MACF1: variants seen among roughly 807,000 people sequenced by gnomAD.
The protein encoded by MACF1 is microtubule-actin cross-linking factor 1.
In MACF1, 193 loss-of-function variants were observed where a neutral mutation model predicts 854.8. That is an observed-to-expected ratio of 0.23 (90% confidence interval 0.20 to 0.25). MACF1 has a LOEUF of 0.25. Among genes scored for constraint, MACF1 ranks in the 10% least tolerant of loss-of-function variants. The pLI, the probability that MACF1 is intolerant of heterozygous loss-of-function variation, is 1.00. For synonymous variants in MACF1, 3,185 were observed against 3,226.7 expected, an observed-to-expected ratio of 0.99 and a Z score of 0.44; for missense variants, 7,722 against 8,929.1, an observed-to-expected ratio of 0.86 and a Z score of 5.45.
intron 36 of MACF1, among the ~76,000 whole-genome samples, chr1:39,330,459 G>T (rs145507226): frequency 6.6e-6 from 1 of 152,290 alleles, no homozygotes; most frequent in Non-Finnish European, 1.5e-5. Flanking sequence ...AGAGTCTTCT[G>T]TGTGGTTTGC....
At position 39,352,994 on chromosome 1, in the gene MACF1, C is replaced by T. The variant is rs370400628; in HGVS notation, c.11200-13C>T. ...GTAAAGCCTTCTCACTAGACTACCT[C>T]GGTGGCTTTCAGAGTAAAGCAGCAA... On this transcript the variant is annotated splice_polypyrimidine_tract_variant and intron_variant, in intron 43 of 100. Coordinates refer to ENST00000564288, the MANE Select transcript of MACF1 (RefSeq NM_001394062.1). The T allele has an allele frequency of 3.8e-6, 6 of 1,598,464 alleles. No individual in the cohort carries two copies. The highest frequency in any genetic ancestry group is 3.3e-5 in the Admixed American group (2 of 59,894).
chr1:39,422,665 G>A, intron 59 of MACF1, 65 bp from the exon 60 acceptor site: 1 of 1,557,458 alleles, frequency 6.4e-7, no homozygotes, highest in South Asian at 1.1e-5. Context: ...TACTAAAAGA[G>A]GTCAGTAGTA....
intron 2 of MACF1, among the ~76,000 whole-genome samples, chr1:39,242,175 T>G (rs914904043): frequency 1.6e-4 from 25 of 151,798 alleles, no homozygotes; most frequent in Non-Finnish European, 3.4e-4. Context: ...TGGCGAAACC[T>G]TGTCTCTATT....
rs1345308450 is a variant in MACF1, at chr1:39,370,060, G to C, written c.12969G>C (p.Gln4323His). 1 of 1,613,890 alleles carries C rather than the reference G, an allele frequency of 6.2e-7. No homozygotes were observed. Among genetic ancestry groups the C allele is most frequent in the Admixed American group, 1.7e-5 (1 of 59,942 alleles). The change falls in exon 51 of 101, where the codon CAG becomes CAC. Residue 4323 changes from glutamine (Q) to histidine (H), a missense_variant. Around this residue, in one of 15 missense-constraint regions of MACF1, gnomAD observed 2,807 missense variants for 3,235.8 expected, o/e 0.87. Transcript: ENST00000564288. ...AAGATGCATCATCTTGCCAGGAACA[G>C]TTGGATGAATTCCGGAAGCTGGTCA... The part of the protein sequence containing the change: ...REKDASSCQE[Q>H]LDEFRKLVRT...
rs187198319 is a variant in MACF1 at position 39,166,149 on chromosome 1, C to T, written c.221-65033C>T. 4.8e-3 allele frequency among the ~76,000 whole-genome samples: 727 copies of T among 150,768 alleles called. 4 individuals carry two copies. Among genetic ancestry groups the T allele is most frequent in the African/African-American group, 0.016 (668 of 41,048 alleles). ...AATGGCATATCTCTGCTCACTGCAA[C>T]CTCTGCCTCCCAGGTTCAAGTGATT... On this transcript the variant is annotated intron_variant, in intron 2 of 93. Coordinates refer to the MACF1 transcript ENST00000361689.
chr1:39,381,968 G>C lies in MACF1; in HGVS notation c.13664G>C (p.Arg4555Thr). The C allele has an allele frequency of 6.2e-7, 1 of 1,613,902 alleles. No individual in the cohort carries two copies. The highest frequency in any genetic ancestry group is 8.5e-7 in the Non-Finnish European group (1 of 1,179,936). Residue 4555 changes from arginine (R) to threonine (T), a missense_variant, in exon 56 of 101, where the codon AGG becomes ACG. Arg to Thr is a moderately conservative substitution (Grantham distance 71). This residue lies in a region of MACF1 where 2,807 missense variants were observed against 3,235.8 expected (regional missense o/e 0.87). Transcript: ENST00000564288. ...IQEELNSRWE[R>T]ATEVTVARQR... is the part of the protein sequence containing the mutation. ...CTCTCTACAGATTCCCGATGGGAAA[G>C]GGCCACTGAGGTTACTGTGGCTCGG...
chr1:39,475,340 A>G (rs570062413), intron 97 of MACF1, among the ~76,000 whole-genome samples: 3 of 152,044 alleles, frequency 2.0e-5, no homozygotes, highest in African/African-American at 4.8e-5. Flanking sequence ...AAGGTGGTAC[A>G]TGCCTGTAGT....
chr1:39,161,934 A>G (rs980508263), intron 2 of MACF1, among the ~76,000 whole-genome samples: 14 of 150,772 alleles, frequency 9.3e-5, no homozygotes. Context: ...GTGTGCGCCT[A>G]TAGTTTCAGT....
intron 58 of MACF1, among the ~76,000 whole-genome samples, chr1:39,395,054 A>G (rs1642217699): frequency 6.9e-6 from 1 of 144,248 alleles, no homozygotes; most frequent in African/African-American, 2.5e-5. Context: ...TTTCGGCACT[A>G]TTGACATTTT....
At chr1:39,459,524 C>T (rs1644509055) in intron 91 of MACF1, among the ~76,000 whole-genome samples, 1 of 152,174 alleles carries the variant, frequency 6.6e-6, no homozygotes, top group Non-Finnish European at 1.5e-5. Flanking sequence ...CCTGATCTGC[C>T]TCAGCATCTT....
chr1:39,284,273 G>T (rs549766892), intron 10 of MACF1, 60 bp from the exon 11 acceptor site: 3 of 1,564,700 alleles, frequency 1.9e-6, no homozygotes, highest in Non-Finnish European at 2.6e-6. Context: ...AGGTGAGGTG[G>T]TATGAAAAAT....
chr1:39,422,765 G>T lies in MACF1; in HGVS notation c.16014G>T (p.Leu5338Phe). Residue 5338 changes from leucine to phenylalanine, a missense_variant, in exon 60 of 101, where the codon TTG becomes TTT. Leu to Phe is a conservative substitution (Grantham distance 22, BLOSUM62 0). Transcript: ENST00000564288. ...GAATTGCACAGCTACAGGAAGCTTTGTTGCATTGTGGGAAGTTTCAAGATG... is the reference window on the plus strand; with the variant it reads ...GAATTGCACAGCTACAGGAAGCTTTTTTGCATTGTGGGAAGTTTCAAGATG... Reference protein sequence around the residue: ...AQRIAQLQEALLHCGKFQDAL... With the variant: ...AQRIAQLQEAFLHCGKFQDAL... 1 of 1,614,196 alleles carries T rather than the reference G, an allele frequency of 6.2e-7. No homozygotes were observed. The highest frequency in any genetic ancestry group is 1.1e-5 in the South Asian group (1 of 91,086).
rs779691009 is a variant in MACF1 at position 39,439,413 on chromosome 1, C to T, written c.18360C>T (p.Thr6120=). 1 of 1,614,112 alleles carries T rather than the reference C, an allele frequency of 6.2e-7. No individual in the cohort carries two copies. The highest frequency in any genetic ancestry group is 8.5e-7 in the Non-Finnish European group (1 of 1,180,002). ...ATGACATGGCAGCTCTCCTGACCAC[C>T]ATCAAAGACACCCAGGATATTGTCC... ...FWYDMAALLT[T]IKDTQDIVHD... The change falls in exon 72 of 101, where the codon ACC becomes ACT. Residue 6120 remains threonine (T), a synonymous_variant. Coordinates refer to ENST00000564288, the MANE Select transcript of MACF1 (RefSeq NM_001394062.1).
At position 39,461,815 on chromosome 1, in the gene MACF1, AAAAT is replaced by A; in HGVS notation, c.21524-67_21524-64del. The A allele has an allele frequency of 7.2e-5, 77 of 1,064,642 alleles. 2 individuals carry two copies. The highest frequency in any genetic ancestry group is 6.7e-4 in the African/African-American group (40 of 59,952). The allele number at this position is 1,064,642 out of a possible 1,614,324, so 65.9% of individuals were successfully genotyped here. A position where few individuals can be genotyped will look rare whatever the true frequency, so the allele number is the denominator to read the frequency against. On this transcript the variant is annotated intron_variant, in intron 92 of 100. Transcript: ENST00000564288. ...TCAAAAAAAAAAAAAAAAAAAAAAAAAAATCTATAACCGCCAACCGAACAAGTAC... is the reference window on the plus strand; with the variant it reads ...TCAAAAAAAAAAAAAAAAAAAAAAAACTATAACCGCCAACCGAACAAGTAC...
Position 39,428,286 on chromosome 1 carries a change from T to C in MACF1, c.16802T>C (p.Leu5601Pro). 1 of 1,597,018 alleles carries C rather than the reference T, an allele frequency of 6.3e-7. No individual in the cohort carries two copies. The highest frequency in any genetic ancestry group is 8.5e-7 in the Non-Finnish European group (1 of 1,169,708). Residue 5601 changes from leucine to proline, a missense_variant and splice_region_variant, in exon 63 of 101, where the codon CTG becomes CCG. Leu to Pro is a moderately conservative substitution (Grantham distance 98). Around this residue, in one of 15 missense-constraint regions of MACF1, gnomAD observed 2,807 missense variants for 3,235.8 expected, o/e 0.87. Coordinates refer to ENST00000564288, the MANE Select transcript of MACF1 (RefSeq NM_001394062.1). ...DVLHRQHADH[L>P]ALNEEIVNRK... ...CTGCACAGGCAGCATGCTGACCACC[T>C]GGTATTCATGTTTCCATTTTTATTG...
chr1:39,181,900 C>A (rs562601552), intron 2 of MACF1, among the ~76,000 whole-genome samples: 257 of 152,252 alleles, frequency 1.7e-3, no homozygotes, highest in Non-Finnish European at 2.7e-3. Context: ...CGCCCATAAT[C>A]CCAGCACTTT....
chr1:39,196,982 C>T (rs6700698), intron 2 of MACF1, among the ~76,000 whole-genome samples: 31,423 of 152,060 alleles, frequency 0.21, 4,084 homozygotes, highest in East Asian at 0.41. Flanking sequence ...TGGTTTGGGG[C>T]CCTGCCCGTT....
chr1:39,461,148 G>A (rs565422618), intron 92 of MACF1, among the ~76,000 whole-genome samples: 1 of 151,342 alleles, frequency 6.6e-6, no homozygotes, highest in Non-Finnish European at 1.5e-5. Flanking sequence ...ATATGATTTG[G>A]TCTGTGTTTT....
At position 39,327,199 on chromosome 1, in the gene MACF1, T is replaced by G. The variant is rs369364730; in HGVS notation, c.4479-19T>G. 1.1e-4 allele frequency: 166 copies of G among 1,548,996 alleles called. No homozygotes were observed. The highest frequency in any genetic ancestry group is 1.7e-4 in the Middle Eastern group (1 of 5,804). On this transcript the variant is annotated intron_variant, in intron 35 of 100. Transcript: ENST00000564288. Reference sequence around the variant, plus strand: ...TGTTTTTTTTTCTCCTAAAAAAGCTTTAATGCTTCATCTTCCAGGCTCTCA... The same window carrying G: ...TGTTTTTTTTTCTCCTAAAAAAGCTGTAATGCTTCATCTTCCAGGCTCTCA...
Sources: gnomAD v4.1 joint callset for allele counts (sites outside exome capture counted in the v4.1 genomes callset) on GRCh38, gnomAD v4.1.1 for gene constraint, gnomAD v4.1.1 regional missense constraint, MANE v1.5 for transcripts, NCBI Gene and HGNC (gene_info 2026-07-23, HGNC 2026-07-21) for gene names.